The following TPT1 variants were observed in gnomAD, a reference collection of about 807,000 sequenced individuals.
TPT1 encodes tumor protein, translationally-controlled 1.
A neutral mutation model predicts 22.8 loss-of-function variants in TPT1; 5 were observed. That is an observed-to-expected ratio of 0.22 (90% CI 0.11 to 0.46). The LOEUF is 0.46. Ranked by LOEUF, TPT1 falls within the 20% of genes least tolerant of loss-of-function variation. TPT1 has a pLI of 0.99. For synonymous variants in TPT1, 89 were observed against 73.6 expected (o/e 1.21, Z -1.07); for missense variants, 130 against 218.7 (o/e 0.59, Z 2.56).
In TPT1 at chr13:45,336,148, A is replaced by C. The variant is rs1278525644; in HGVS notation, c.*1238T>G. ...TAAGCGATACTCGGTCTCTACAAAA[A>C]TTAGCTGGGCATAGGGGTGCATGCC... is the stretch of plus-strand genomic sequence containing the variant. On this transcript the variant is annotated 3_prime_UTR_variant, in exon 6 of 6. Coordinates refer to ENST00000530705, the MANE Select transcript of TPT1 (RefSeq NM_003295.4). The C allele has an allele frequency of 6.6e-6, 1 of 152,238 alleles. No homozygotes were observed. The highest frequency in any genetic ancestry group is 2.4e-5 in the African/African-American group (1 of 41,450). The allele number at this position is 152,238 out of a possible 1,614,324, so 9.4% of individuals were successfully genotyped here.
intron 5 of TPT1, chr13:45,338,268 C>G: frequency 5.0e-6 from 1 of 200,004 alleles, no homozygotes; most frequent in East Asian, 1.3e-4. Context: ...TACAGGTGCC[C>G]GCTGCCATGC....
At chr13:45,340,666 G>C (rs758055034) in intron 2 of TPT1, 46 bp downstream of exon 2, 4 of 1,548,642 alleles carry the variant, frequency 2.6e-6, no homozygotes, top group Non-Finnish European at 2.6e-6. Context: ...GGAAACCCGA[G>C]CCCGCTCGGC....
intron 5 of TPT1, among the ~76,000 whole-genome samples, chr13:45,337,914 A>G (rs1436632243): frequency 6.6e-6 from 1 of 152,176 alleles, no homozygotes; most frequent in Non-Finnish European, 1.5e-5. Flanking sequence ...TAGTAAAACA[A>G]TTTGCATACC....
At chr13:45,340,340 AAACGACCT>A (rs1365700050) in intron 2 of TPT1, 156 bp from the exon 3 acceptor site, 1 of 1,048,884 alleles carries the variant, frequency 9.5e-7, no homozygotes, top group Non-Finnish European at 1.4e-6. Context: ...GGATTTCTCA[AAACGACCT>A]AACTTAAAAG....
At position 45,340,060 on chromosome 13, in the gene TPT1, T is replaced by G; in HGVS notation, c.227A>C (p.His76Pro). Residue 76 changes from histidine to proline, a missense_variant, in exon 3 of 6, where the codon CAT becomes CCT. Coordinates refer to ENST00000530705, the MANE Select transcript of TPT1 (RefSeq NM_003295.4). ...VITGVDIVMN[H>P]HLQETSFTKE... ...TGTGAAACTTGTTTCCTGCAGGTGATGGTTCATGACAATATCGACACCAGT... is the reference window on the plus strand; with the variant it reads ...TGTGAAACTTGTTTCCTGCAGGTGAGGGTTCATGACAATATCGACACCAGT... The G allele has an allele frequency of 6.2e-7, 1 of 1,614,192 alleles. No homozygotes were observed. The highest frequency in any genetic ancestry group is 8.5e-7 in the Non-Finnish European group (1 of 1,180,028).
chr13:45,341,129 C>T lies in TPT1; in HGVS notation c.-60G>A, dbSNP rs551882549. The T allele has an allele frequency of 4.7e-4, 745 of 1,601,672 alleles. 10 individuals carry two copies. The East Asian group carries it at 0.016, about 35-fold the overall frequency. On this transcript the variant is annotated 5_prime_UTR_variant, in exon 1 of 6. Coordinates refer to ENST00000530705, the MANE Select transcript of TPT1 (RefSeq NM_003295.4). ...CTTAGCACGAGCCTGAAACTCGGAGCGAGCGCGGTGCAGCCGGAGCGGCGC... is the reference window on the plus strand; with the variant it reads ...CTTAGCACGAGCCTGAAACTCGGAGTGAGCGCGGTGCAGCCGGAGCGGCGC...
Position 45,340,127 on chromosome 13 carries a change from C to T in TPT1, c.160G>A (p.Ala54Thr). ...GTACCTTCGCCCTCGGGGCCTTCAG[C>T]GGAGGCATTTCCACCAATGAGCGAG... is the stretch of plus-strand genomic sequence containing the variant. Reference protein sequence around the residue: ...DDSLIGGNASAEGPEGEGTES... With the variant: ...DDSLIGGNASTEGPEGEGTES... The change falls in exon 3 of 6, where the codon GCT becomes ACT. Residue 54 changes from alanine to threonine, a missense_variant. Physicochemically the swap from Ala to Thr is moderately conservative, Grantham distance 58 (BLOSUM62 0). Coordinates refer to ENST00000530705, the MANE Select transcript of TPT1 (RefSeq NM_003295.4). 1 of 1,614,128 alleles carries T rather than the reference C, an allele frequency of 6.2e-7. No homozygotes were observed. Among genetic ancestry groups the T allele is most frequent in the Non-Finnish European group, 8.5e-7 (1 of 1,179,994 alleles).
rs1205603216 is a variant in TPT1, at chr13:45,333,690, T to C, written c.*3696A>G. The C allele has an allele frequency of 1.3e-5, 2 of 152,178 alleles. No homozygotes were observed. The highest frequency in any genetic ancestry group is 2.4e-5 in the African/African-American group (1 of 41,446). The allele number at this position is 152,178 out of a possible 1,614,324, so 9.4% of individuals were successfully genotyped here. A position where few individuals can be genotyped will look rare whatever the true frequency, so the allele number is the denominator to read the frequency against. ...ATTACTGAAGCAGATGCACACATAATAAAAAACCATGTACCTGTATTGTAT... is the reference window on the plus strand; with the variant it reads ...ATTACTGAAGCAGATGCACACATAACAAAAAACCATGTACCTGTATTGTAT... On this transcript the variant is annotated 3_prime_UTR_variant, in exon 6 of 6. Coordinates refer to ENST00000530705, the MANE Select transcript of TPT1 (RefSeq NM_003295.4).
In TPT1 at chr13:45,340,068, G is replaced by A; in HGVS notation, c.219C>T (p.Val73=). ...ESTVITGVDI[V]MNHHLQETSF... ...TTGTTTCCTGCAGGTGATGGTTCAT[G>A]ACAATATCGACACCAGTGATTACTG... Residue 73 remains valine (V), a synonymous_variant, in exon 3 of 6, where the codon GTC becomes GTT. Transcript: ENST00000530705. 1 of 1,614,202 alleles carries A rather than the reference G, an allele frequency of 6.2e-7. No individual in the cohort carries two copies. The highest frequency in any genetic ancestry group is 8.5e-7 in the Non-Finnish European group (1 of 1,180,044).
Position 45,333,622 on chromosome 13 carries a change from A to G in TPT1, c.*3764T>C, listed in dbSNP as rs1878504448. ...TCAACAAAAATCTAGTCATTTAACTAGATTTTGAAACTCCTAATGATCCAA... is the reference window on the plus strand; with the variant it reads ...TCAACAAAAATCTAGTCATTTAACTGGATTTTGAAACTCCTAATGATCCAA... On this transcript the variant is annotated 3_prime_UTR_variant, in exon 6 of 6. Coordinates refer to ENST00000530705, the MANE Select transcript of TPT1 (RefSeq NM_003295.4). The G allele has an allele frequency of 6.6e-6, 1 of 152,224 alleles. No individual in the cohort carries two copies. Among genetic ancestry groups the G allele is most frequent in the African/African-American group, 2.4e-5 (1 of 41,456 alleles). 9.4% of individuals were successfully genotyped at this position (152,224 alleles called of 1,614,324 possible).
At chr13:45,340,634 C>T (rs1301763928) in intron 2 of TPT1, 78 bp downstream of exon 2, 2 of 1,492,158 alleles carry the variant, frequency 1.3e-6, no homozygotes, top group South Asian at 1.2e-5. Context: ...GAGGATTGCA[C>T]AACCTCAGGC....
chr13:45,338,640 A>C lies in TPT1; in HGVS notation c.516+20T>G. ...TGTCTTTTTTACATTATTTATTTTA[A>C]CCCACTTCCTTGTACTTACACATTT... On this transcript the variant is annotated intron_variant, in intron 5 of 5. Transcript: ENST00000530705. 1 of 1,604,716 alleles carries C rather than the reference A, an allele frequency of 6.2e-7. No homozygotes were observed. The highest frequency in any genetic ancestry group is 8.5e-7 in the Non-Finnish European group (1 of 1,177,716).
chr13:45,340,670 G>C, intron 2 of TPT1, 42 bp downstream of exon 2: 3 of 1,553,476 alleles, frequency 1.9e-6, no homozygotes, highest in Non-Finnish European at 2.6e-6. Flanking sequence ...ACCCGAGCCC[G>C]CTCGGCCCGG....
Position 45,341,175 on chromosome 13 carries a change from G to T in TPT1, c.-106C>A, listed in dbSNP as rs1879114541. ...GGCGCTCGGGGGGAGGGGGGAGCGG[G>T]CGGAAAAGGCCGACTCAGCCGCTCC... On this transcript the variant is annotated 5_prime_UTR_variant, in exon 1 of 6. Transcript: ENST00000530705. 6.7e-7 allele frequency: 1 copy of T among 1,488,476 alleles called. No homozygotes were observed. The highest frequency in any genetic ancestry group is 9.2e-7 in the Non-Finnish European group (1 of 1,088,620). The allele number at this position is 1,488,476 out of a possible 1,614,324, so 92.2% of individuals were successfully genotyped here.
In TPT1 at chr13:45,337,475, G is replaced by A. The variant is rs756525259; in HGVS notation, c.517-87C>T. The A allele has an allele frequency of 7.4e-6, 12 of 1,614,044 alleles. No homozygotes were observed. In the South Asian group the frequency reaches 1.1e-4, roughly 15 times the overall value. On this transcript the variant is annotated intron_variant, in intron 5 of 5. Coordinates refer to ENST00000530705, the MANE Select transcript of TPT1 (RefSeq NM_003295.4). ...ATTAACATGCAGCCTACATTTCCAG[G>A]CTAAAGATGTATTCCCCAATTCAAT...
At chr13:45,337,978 G>C (rs993156463) in intron 5 of TPT1, among the ~76,000 whole-genome samples, 1 of 152,160 alleles carries the variant, frequency 6.6e-6, no homozygotes. Flanking sequence ...GCTTTTCAAT[G>C]ATCAGCTGCC....
intron 4 of TPT1, chr13:45,339,139 G>A (rs867912360): frequency 1.0e-5 from 3 of 296,670 alleles, no homozygotes; most frequent in South Asian, 1.4e-4. Flanking sequence ...ATGGCCAGGG[G>A]ATGCATGAAG....
At chr13:45,340,590 G>T in intron 2 of TPT1, 122 bp downstream of exon 2, 1 of 1,209,548 alleles carries the variant, frequency 8.3e-7, no homozygotes, top group Non-Finnish European at 1.2e-6. Flanking sequence ...ACCCAAGCCC[G>T]GAAAGAGCGT....
intron 2 of TPT1, chr13:45,340,494 T>C (rs1039496269): frequency 1.9e-5 from 14 of 750,562 alleles, no homozygotes; most frequent in Admixed American, 1.0e-4. Context: ...GGAAGCATCA[T>C]GTCCCGGACA....
Sources: allele counts gnomAD v4.1 joint callset (sites outside exome capture counted in the v4.1 genomes callset), GRCh38; gene constraint gnomAD v4.1.1; transcripts MANE v1.5; gene names NCBI Gene and HGNC (gene_info 2026-07-23, HGNC 2026-07-21).